Variants in LAMA4 observed in about 807,000 individuals in gnomAD.
LAMA4 encodes laminin subunit alpha-4.
A neutral mutation model predicts 207.1 loss-of-function variants in LAMA4; 127 were observed. The ratio of observed to expected loss-of-function variants is 0.61; its 90% CI spans 0.53 to 0.71. The LOEUF is 0.71. Ranked by LOEUF, LAMA4 falls within the 30% of genes least tolerant of loss-of-function variation. LAMA4 has a pLI of 0.00. For missense variants in LAMA4, 2,093 were observed against 2,246.5 expected (o/e 0.93, Z 1.38); for synonymous variants, 761 against 816.0 (o/e 0.93, Z 1.15).
In LAMA4 at chr6:112,119,280, C is replaced by T. The variant is rs201641981; in HGVS notation, c.4697G>A (p.Arg1566Gln). 2.7e-5 allele frequency: 44 copies of T among 1,614,004 alleles called. 1 individual carries two copies. The South Asian group carries it at 2.7e-4, about 10-fold the overall frequency. The change falls in exon 34 of 39, where the codon CGA becomes CAA. Residue 1566 changes from arginine to glutamine, a missense_variant. This residue lies in a region of LAMA4 where 383 missense variants were observed against 437.8 expected (regional missense o/e 0.87). Coordinates refer to ENST00000230538, the MANE Select transcript of LAMA4 (RefSeq NM_001105206.3). ...GACTCGGAGACCATCAATTACCAGTCGGCCACTGCTCCTTTCTCGAATAAA... is the reference window on the plus strand; with the variant it reads ...GACTCGGAGACCATCAATTACCAGTTGGCCACTGCTCCTTTCTCGAATAAA... ...VIFIRERSSG[R>Q]LVIDGLRVLE...
At chr6:112,216,146 G>T (rs1242113015) in intron 3 of LAMA4, among the ~76,000 whole-genome samples, 1 of 152,210 alleles carries the variant, frequency 6.6e-6, no homozygotes, top group Non-Finnish European at 1.5e-5. Flanking sequence ...TGGGGCAGGA[G>T]CCTCCGGGTG....
In LAMA4 at chr6:112,195,236, TA is replaced by T. The variant is rs202132834; in HGVS notation, c.504-3387del. ...GTCTTTGGGATTAAATAAAATGACA[TA>T]AAAAAAAAGAACTTGTTCCAAAGTA... is the stretch of plus-strand genomic sequence containing the variant. On this transcript the variant is annotated intron_variant, in intron 5 of 38. Transcript: ENST00000230538. Among the ~76,000 whole-genome samples the T allele has an allele frequency of 4.8e-3, 730 of 150,978 alleles. 4 individuals carry two copies. Among genetic ancestry groups the T allele is most frequent in the African/African-American group, 0.017 (689 of 41,158 alleles).
chr6:112,195,603 GT>G, intron 5 of LAMA4, among the ~76,000 whole-genome samples: 1 of 152,000 alleles, frequency 6.6e-6, no homozygotes. Flanking sequence ...TGCCTTTTCT[GT>G]TAGGGGTTTA....
intron 28 of LAMA4, among the ~76,000 whole-genome samples, chr6:112,131,553 C>A (rs1013221567): frequency 6.6e-6 from 1 of 152,116 alleles, no homozygotes; most frequent in South Asian, 2.1e-4. Flanking sequence ...CAAGTTAGCT[C>A]TTCTTATCTG....
At chr6:112,130,883 A>G in intron 29 of LAMA4, 85 bp downstream of exon 29, 1 of 1,417,106 alleles carries the variant, frequency 7.1e-7, no homozygotes, top group South Asian at 1.2e-5. Context: ...AAGTTATAGG[A>G]CAGCCTATTA....
At chr6:112,154,452 G>A (rs140546708) in intron 16 of LAMA4, among the ~76,000 whole-genome samples, 1 of 151,912 alleles carries the variant, frequency 6.6e-6, no homozygotes, top group African/African-American at 2.4e-5. Flanking sequence ...TTCCTTCATG[G>A]GAAACATTTT....
intron 12 of LAMA4, among the ~76,000 whole-genome samples, chr6:112,168,033 C>T (rs1035269232): frequency 1.3e-5 from 2 of 151,906 alleles, no homozygotes; most frequent in Non-Finnish European, 2.9e-5. Context: ...CCCATCTCTA[C>T]TAAAAATACA....
intron 2 of LAMA4, among the ~76,000 whole-genome samples, chr6:112,249,939 G>A (rs1208409812): frequency 6.6e-6 from 1 of 152,130 alleles, no homozygotes; most frequent in African/African-American, 2.4e-5. Context: ...CTTATAGAAT[G>A]TTAGTACATT....
intron 3 of LAMA4, chr6:112,214,035 A>G (rs781907160): frequency 1.3e-6 from 1 of 763,928 alleles, no homozygotes; most frequent in South Asian, 1.4e-5. Context: ...ACGATAGGGC[A>G]GAAGCTGAAA....
chr6:112,114,846 A>G, intron 36 of LAMA4, 90 bp from the exon 37 acceptor site: 2 of 909,798 alleles, frequency 2.2e-6, no homozygotes, highest in Non-Finnish European at 3.6e-6. Flanking sequence ...GTGAAGCAAT[A>G]CTTCAACAAA....
At position 112,141,401 on chromosome 6, in the gene LAMA4, C is replaced by A. The variant is rs781908229; in HGVS notation, c.2770G>T (p.Val924Phe). 2 of 1,613,932 alleles carry A rather than the reference C, an allele frequency of 1.2e-6. No individual in the cohort carries two copies. Among genetic ancestry groups the A allele is most frequent in the Non-Finnish European group, 1.7e-6 (2 of 1,179,952 alleles). Residue 924 changes from valine (V) to phenylalanine (F), a missense_variant, in exon 21 of 39, where the codon GTC (valine) becomes TTC (phenylalanine). Coordinates refer to ENST00000230538, the MANE Select transcript of LAMA4 (RefSeq NM_001105206.3). ...DVEIPLDSKP[V>F]SSWPAYFSIV... ...CTGAAGTAAGCAGGCCAGGAACTGA[C>A]GGGCTTGGAGTCCAGGGGAATCTCC...
Position 112,133,401 on chromosome 6 carries a change from A to G in LAMA4, c.3644T>C (p.Leu1215Pro). Residue 1215 changes from leucine to proline, a missense_variant, in exon 27 of 39, where the codon CTG becomes CCG. Leu to Pro is a moderately conservative substitution (Grantham distance 98). Around this residue, in one of 3 missense-constraint regions of LAMA4, gnomAD observed 1,704 missense variants for 1,788.4 expected, o/e 0.95. Coordinates refer to ENST00000230538, the MANE Select transcript of LAMA4 (RefSeq NM_001105206.3). ...FQFQKKDFNL[L>P]EQTETLGVGY... Reference sequence around the variant, plus strand: ...AACTCCCAGGGTTTCTGTCTGCTCCAGTAAATTGAAGTCCTTCTTTTGGAA... The same window carrying G: ...AACTCCCAGGGTTTCTGTCTGCTCCGGTAAATTGAAGTCCTTCTTTTGGAA... The G allele has an allele frequency of 1.2e-6, 2 of 1,613,868 alleles. No homozygotes were observed. The highest frequency in any genetic ancestry group is 1.7e-6 in the Non-Finnish European group (2 of 1,179,804).
At position 112,172,751 on chromosome 6, in the gene LAMA4, A is replaced by T; in HGVS notation, c.1411T>A (p.Phe471Ile). The T allele has an allele frequency of 1.2e-6, 2 of 1,614,116 alleles. No individual in the cohort carries two copies. The highest frequency in any genetic ancestry group is 1.7e-6 in the Non-Finnish European group (2 of 1,180,002). ...TCCAGCTGCTCCAGGACGACAGGAAACAGAGTGCGGGTCTCATTGTGCAGC... is the reference window on the plus strand; with the variant it reads ...TCCAGCTGCTCCAGGACGACAGGAATCAGAGTGCGGGTCTCATTGTGCAGC... ...QRLHNETRTL[F>I]PVVLEQLDDY... Residue 471 changes from phenylalanine to isoleucine, a missense_variant, in exon 12 of 39, where the codon TTT (phenylalanine) becomes ATT (isoleucine). Transcript: ENST00000230538.
At chr6:112,111,171 G>C (rs1777670495) in intron 38 of LAMA4, among the ~76,000 whole-genome samples, 1 of 152,094 alleles carries the variant, frequency 6.6e-6, no homozygotes, top group Non-Finnish European at 1.5e-5. Context: ...CTCCTGAGTA[G>C]CTGGAGGGAT....
At chr6:112,227,102 C>T (rs1235074927) in intron 2 of LAMA4, among the ~76,000 whole-genome samples, 2 of 150,824 alleles carry the variant, frequency 1.3e-5, no homozygotes, top group African/African-American at 2.4e-5. Context: ...GACGGAGTCT[C>T]GCTCTGTTGC....
intron 12 of LAMA4, among the ~76,000 whole-genome samples, chr6:112,170,088 C>T (rs1277778576): frequency 6.6e-6 from 1 of 152,236 alleles, no homozygotes; most frequent in Admixed American, 6.5e-5. Context: ...AACATGTTAA[C>T]ACACAACATA....
chr6:112,195,724 A>C (rs1034151754), intron 5 of LAMA4, among the ~76,000 whole-genome samples: 1 of 152,134 alleles, frequency 6.6e-6, no homozygotes, highest in Non-Finnish European at 1.5e-5. Context: ...TCACTCCACC[A>C]CCAAATTTAA....
At chr6:112,200,448 T>G (rs917504452) in intron 5 of LAMA4, among the ~76,000 whole-genome samples, 3 of 152,208 alleles carry the variant, frequency 2.0e-5, no homozygotes, top group Admixed American at 2.0e-4. Context: ...TGTAAATTAA[T>G]TCAACCATTG....
intron 26 of LAMA4, among the ~76,000 whole-genome samples, chr6:112,133,922 T>G (rs1273810476): frequency 1.3e-5 from 2 of 152,184 alleles, no homozygotes; most frequent in Non-Finnish European, 2.9e-5. Flanking sequence ...ATGTCACAAG[T>G]GATGTTAGGA....
Sources: gnomAD v4.1 joint callset for allele counts (sites outside exome capture counted in the v4.1 genomes callset) on GRCh38, gnomAD v4.1.1 for gene constraint, gnomAD v4.1.1 regional missense constraint, MANE v1.5 for transcripts, NCBI Gene and HGNC (gene_info 2026-07-23, HGNC 2026-07-21) for gene names.